The following TMEM266 variants were observed in gnomAD, a reference collection of about 807,000 sequenced individuals.
TMEM266 encodes transmembrane protein 266, also known as Hv1 related protein 1.
In TMEM266, 33 loss-of-function variants were observed where a neutral mutation model predicts 50.5. That is an observed-to-expected ratio of 0.65 (90% CI 0.50 to 0.87). The LOEUF (loss-of-function observed/expected upper bound fraction) is 0.87, where lower values mean the gene tolerates loss of function less well. TMEM266 is among the 40% of genes least tolerant of loss of function. The pLI is 0.00. For missense variants in TMEM266, 655 were observed against 695.1 expected, an observed-to-expected ratio of 0.94 and a Z score of 0.65; for synonymous variants, 310 against 292.3, an observed-to-expected ratio of 1.06 and a Z score of -0.62.
intron 5 of TMEM266, among the ~76,000 whole-genome samples, chr15:76,162,736 G>T (rs575600505): frequency 6.6e-6 from 1 of 152,340 alleles, no homozygotes; most frequent in East Asian, 1.9e-4. Flanking sequence ...GGGACCAGGG[G>T]TCTCTGGGAA....
chr15:76,082,188 T>G (rs1295614672), intron 1 of TMEM266, among the ~76,000 whole-genome samples: 1 of 152,230 alleles, frequency 6.6e-6, no homozygotes, highest in Non-Finnish European at 1.5e-5. Flanking sequence ...TCAAATTTCT[T>G]GAACACTTCT....
chr15:76,156,644 G>C lies in TMEM266; in HGVS notation c.268G>C (p.Val90Leu). 1 of 1,614,172 alleles carries C rather than the reference G, an allele frequency of 6.2e-7. No homozygotes were observed. The change falls in exon 4 of 11, where the codon GTG (valine) becomes CTG (leucine). Residue 90 changes from valine to leucine, a missense_variant. By Grantham distance (32) the Val-to-Leu change is conservative. Coordinates refer to ENST00000388942, the MANE Select transcript of TMEM266 (RefSeq NM_152335.3). ...GCCGTGCTGTGGGAAGAGAGCAGCC[G>C]TGTGGCAGGTATTTTTGCTCAGTGC...
At chr15:76,202,833 C>T (rs1026945645) in intron 10 of TMEM266, among the ~76,000 whole-genome samples, 2 of 152,128 alleles carry the variant, frequency 1.3e-5, no homozygotes, top group African/African-American at 2.4e-5. Context: ...AATTTCGCAG[C>T]CCCCAAAACC....
At chr15:76,135,416 G>A (rs2037574334) in intron 2 of TMEM266, among the ~76,000 whole-genome samples, 1 of 152,344 alleles carries the variant, frequency 6.6e-6, no homozygotes. Flanking sequence ...GGAACGTGAG[G>A]CAGAAACGTT....
intron 1 of TMEM266, among the ~76,000 whole-genome samples, chr15:76,086,459 G>A (rs2036778390): frequency 2.0e-5 from 3 of 152,286 alleles, no homozygotes; most frequent in Middle Eastern, 3.4e-3. Context: ...CAGGTTCTTG[G>A]TGTCTTGAAC....
rs1180534538 is a variant in TMEM266 at position 76,079,771 on chromosome 15, C to CAA, written c.-97+19773_-97+19774dup. Among the ~76,000 whole-genome samples, 247 of 46,554 alleles carry CAA rather than the reference C, an allele frequency of 5.3e-3. 1 individual carries two copies. The highest frequency in any genetic ancestry group is 0.017 in the African/African-American group (220 of 12,764). The allele number at this position is 46,554 out of a possible 152,430, so 30.5% of individuals were successfully genotyped here. A position where few individuals can be genotyped will look rare whatever the true frequency, so the allele number is the denominator to read the frequency against. ...CCTAGGACAGAGCGAGACTCTGTCTCAAAAAAAAAAAAAAAAAAATCCACA... is the reference window on the plus strand; with the variant it reads ...CCTAGGACAGAGCGAGACTCTGTCTCAAAAAAAAAAAAAAAAAAAAATCCACA... On this transcript the variant is annotated intron_variant, in intron 1 of 10. Transcript: ENST00000388942.
chr15:76,143,743 G>A (rs551126148), intron 3 of TMEM266, among the ~76,000 whole-genome samples: 26 of 152,264 alleles, frequency 1.7e-4, no homozygotes, highest in African/African-American at 5.3e-4. Flanking sequence ...TTCTTTAAAT[G>A]TTGGGTTCTT....
chr15:76,115,539 C>T (rs1198185918), intron 1 of TMEM266, among the ~76,000 whole-genome samples: 8 of 152,220 alleles, frequency 5.3e-5, no homozygotes, highest in Admixed American at 2.0e-4. Context: ...GTCCTGGCCA[C>T]TCCCAATGCC....
Position 76,204,466 on chromosome 15 carries a change from C to A in TMEM266, c.*151C>A. 1 of 657,182 alleles carries A rather than the reference C, an allele frequency of 1.5e-6. No individual in the cohort carries two copies. The highest frequency in any genetic ancestry group is 2.5e-6 in the Non-Finnish European group (1 of 392,876). 40.7% of individuals were successfully genotyped at this position (657,182 alleles called of 1,614,324 possible). A position where few individuals can be genotyped will look rare whatever the true frequency, so the allele number is the denominator to read the frequency against. On this transcript the variant is annotated 3_prime_UTR_variant, in exon 11 of 11. Coordinates refer to ENST00000388942, the MANE Select transcript of TMEM266 (RefSeq NM_152335.3). ...TGCCTCCAGGGAGGCGACGCCAGGC[C>A]AGGAGGCCACAAGCTTCAGACCTCA... is the stretch of plus-strand genomic sequence containing the variant.
At chr15:76,201,921 G>C (rs1274195455) in intron 9 of TMEM266, among the ~76,000 whole-genome samples, 1 of 152,228 alleles carries the variant, frequency 6.6e-6, no homozygotes, top group Non-Finnish European at 1.5e-5. Flanking sequence ...TCATCTCAGA[G>C]ATGGGGAAAC....
chr15:76,070,721 A>T (rs2036526623), intron 1 of TMEM266, among the ~76,000 whole-genome samples: 1 of 152,184 alleles, frequency 6.6e-6, no homozygotes, highest in African/African-American at 2.4e-5. Flanking sequence ...CCCAGGTCAC[A>T]TTTCCATGCT....
chr15:76,106,617 T>C (rs1290787951), intron 1 of TMEM266, among the ~76,000 whole-genome samples: 2 of 152,212 alleles, frequency 1.3e-5, no homozygotes, highest in East Asian at 3.9e-4. Context: ...TTATTTTATT[T>C]TTTATTTTTG....
chr15:76,122,385 A>G (rs2037359496), intron 1 of TMEM266, among the ~76,000 whole-genome samples: 1 of 152,252 alleles, frequency 6.6e-6, no homozygotes, highest in Non-Finnish European at 1.5e-5. Context: ...CAATGCAGGT[A>G]AAAAATGGGA....
At chr15:76,143,208 C>T (rs1216606884) in intron 3 of TMEM266, among the ~76,000 whole-genome samples, 4 of 152,196 alleles carry the variant, frequency 2.6e-5, no homozygotes, top group Admixed American at 6.5e-5. Context: ...CATCACACTC[C>T]AGTCTCGTGT....
intron 9 of TMEM266, among the ~76,000 whole-genome samples, chr15:76,192,800 C>G (rs753239193): frequency 1.3e-4 from 20 of 152,190 alleles, no homozygotes; most frequent in Non-Finnish European, 2.4e-4. Flanking sequence ...CTCTTGGGGC[C>G]TTAGTTTTGC....
rs1344789205 is a variant in TMEM266, at chr15:76,192,132, C to T, written c.933C>T (p.Val311=). The T allele has an allele frequency of 7.7e-5, 109 of 1,407,292 alleles. No individual in the cohort carries two copies. Among genetic ancestry groups the T allele is most frequent in the South Asian group, 2.6e-4 (17 of 64,402 alleles). 87.2% of individuals were successfully genotyped at this position (1,407,292 alleles called of 1,614,324 possible). ...ACGAGGAGACGGCGGCCGAGAGCGT[C>T]GTGGAGGAGCTGCAGCCCTCGCAAG... The change falls in exon 9 of 11, where the codon GTC becomes GTT. Residue 311 remains valine (V), a synonymous_variant. Transcript: ENST00000388942.
chr15:76,159,795 C>T (rs762897788), intron 4 of TMEM266, among the ~76,000 whole-genome samples: 2 of 152,056 alleles, frequency 1.3e-5, no homozygotes, highest in African/African-American at 2.4e-5. Flanking sequence ...ACTCTGGCTA[C>T]AGCCAAAAGC....
intron 3 of TMEM266, among the ~76,000 whole-genome samples, chr15:76,146,746 C>G (rs2037762744): frequency 6.6e-6 from 1 of 152,232 alleles, no homozygotes; most frequent in African/African-American, 2.4e-5. Flanking sequence ...ACCCTTCTCT[C>G]TTCCTGTACT....
chr15:76,122,273 A>G (rs1478669104), intron 1 of TMEM266, among the ~76,000 whole-genome samples: 1 of 152,264 alleles, frequency 6.6e-6, no homozygotes, highest in African/African-American at 2.4e-5. Context: ...CTTACCATCT[A>G]TTTGGACAAA....
Sources: gnomAD v4.1 joint callset for allele counts (sites outside exome capture counted in the v4.1 genomes callset) on GRCh38, gnomAD v4.1.1 for gene constraint, MANE v1.5 for transcripts, NCBI Gene and HGNC (gene_info 2026-07-23, HGNC 2026-07-21) for gene names.